The following TRPC4 variants were observed in gnomAD, a reference collection of about 807,000 sequenced individuals.
TRPC4 encodes the protein short transient receptor potential channel 4.
In TRPC4, 49 loss-of-function variants were observed where a neutral mutation model predicts 99.4. The ratio of observed to expected loss-of-function variants is 0.49; its 90% CI spans 0.39 to 0.63. The LOEUF (loss-of-function observed/expected upper bound fraction) is 0.63, where lower values mean the gene tolerates loss of function less well. Ranked by LOEUF, TRPC4 falls within the 20% of genes least tolerant of loss-of-function variation. The pLI, the probability that TRPC4 is intolerant of heterozygous loss-of-function variation, is 0.00. For synonymous variants in TRPC4, 454 were observed against 425.9 expected, an observed-to-expected ratio of 1.07 and a Z score of -0.81; for missense variants, 898 against 1,152.9, an observed-to-expected ratio of 0.78 and a Z score of 3.20.
intron 1 of TRPC4, among the ~76,000 whole-genome samples, chr13:37,819,448 C>A (rs1161313401): frequency 6.6e-6 from 1 of 151,808 alleles, no homozygotes; most frequent in Non-Finnish European, 1.5e-5. Flanking sequence ...CAATGATAGA[C>A]CAAATAAAGA....
At position 37,636,971 on chromosome 13, in the gene TRPC4, T is replaced by C. The variant is rs137894841; in HGVS notation, c.2866A>G (p.Ser956Gly). ...GGGAGGTTTAGATCATAGTCTATAC[T>C]AGAGTCCTCTTCTTTTGCATGTTTC... ...KEKHAKEEDSSIDYDLNLPDT... is the reference protein window; with the variant it reads ...KEKHAKEEDSGIDYDLNLPDT... Residue 956 changes from serine to glycine, a missense_variant, in exon 11 of 11, where the codon AGT (serine) becomes GGT (glycine). Ser to Gly is a moderately conservative substitution (Grantham distance 56). This residue lies in a region of TRPC4 where 346 missense variants were observed against 351.4 expected (regional missense o/e 0.98). Transcript: ENST00000379705. 4.8e-5 allele frequency: 77 copies of C among 1,613,620 alleles called. No individual in the cohort carries two copies. Among genetic ancestry groups the C allele is most frequent in the Admixed American group, 6.7e-5 (4 of 59,954 alleles).
intron 1 of TRPC4, among the ~76,000 whole-genome samples, chr13:37,819,269 G>T (rs905669777): frequency 2.6e-5 from 4 of 152,014 alleles, no homozygotes; most frequent in African/African-American, 9.7e-5. Flanking sequence ...AAGCAGTGTG[G>T]CTATTTCTCA....
chr13:37,849,638 T>C (rs1959004243), intron 1 of TRPC4, among the ~76,000 whole-genome samples: 1 of 152,184 alleles, frequency 6.6e-6, no homozygotes, highest in South Asian at 2.1e-4. Context: ...GATCTCATTG[T>C]GCCTAAAACA....
At chr13:37,698,806 T>C (rs923742422) in intron 3 of TRPC4, among the ~76,000 whole-genome samples, 18 of 152,092 alleles carry the variant, frequency 1.2e-4, no homozygotes, top group Admixed American at 4.6e-4. Flanking sequence ...ACGATGCCAA[T>C]AGGGGACTTA....
At chr13:37,681,995 C>T (rs1953256378) in intron 4 of TRPC4, among the ~76,000 whole-genome samples, 1 of 152,162 alleles carries the variant, frequency 6.6e-6, no homozygotes, top group African/African-American at 2.4e-5. Context: ...TTTGAATGTT[C>T]TATTATGTCC....
Position 37,728,856 on chromosome 13 carries a change from G to C in TRPC4, c.897+17081C>G, listed in dbSNP as rs142602539. The stretch of plus-strand genomic sequence containing the variant: ...ACATAATCACCAGTGAAATAGTTGA[G>C]AGCCTAGAAATGAGCCCTCACATAT... On this transcript the variant is annotated intron_variant, in intron 3 of 10. Transcript: ENST00000379705. 2.3e-3 allele frequency among the ~76,000 whole-genome samples: 345 copies of C among 152,188 alleles called. 1 individual carries two copies. The highest frequency in any genetic ancestry group is 7.8e-3 in the African/African-American group (326 of 41,546).
At chr13:37,686,857 C>T (rs1202873764) in intron 4 of TRPC4, among the ~76,000 whole-genome samples, 1 of 152,192 alleles carries the variant, frequency 6.6e-6, no homozygotes, top group Non-Finnish European at 1.5e-5. Context: ...TAATCTGGGG[C>T]ATGCTCACAA....
chr13:37,685,906 T>A (rs1336002343), intron 4 of TRPC4, among the ~76,000 whole-genome samples: 3 of 145,498 alleles, frequency 2.1e-5, no homozygotes, highest in Non-Finnish European at 4.6e-5. Flanking sequence ...TCCATGAAGA[T>A]GATGTTAAAA....
chr13:37,821,926 C>G (rs1593257599), intron 1 of TRPC4, among the ~76,000 whole-genome samples: 1 of 152,020 alleles, frequency 6.6e-6, no homozygotes, highest in East Asian at 1.9e-4. Context: ...ATGAAGATGC[C>G]AAAAGCAATT....
In TRPC4 at chr13:37,746,463, A is replaced by T; in HGVS notation, c.379-8T>A. ...AAGGAGTATAGGAGGCACCTAAAAA[A>T]AAAAAAGGCAGAGGTGATGAATATT... On this transcript the variant is annotated splice_polypyrimidine_tract_variant and splice_region_variant and intron_variant, in intron 2 of 10. Transcript: ENST00000379705. 6.3e-7 allele frequency: 1 copy of T among 1,581,660 alleles called. No homozygotes were observed.
chr13:37,717,067 C>G (rs189277646), intron 3 of TRPC4, among the ~76,000 whole-genome samples: 1 of 152,182 alleles, frequency 6.6e-6, no homozygotes, highest in African/African-American at 2.4e-5. Flanking sequence ...AGAAGTGAGG[C>G]TGCCCAGAAG....
At chr13:37,813,798 A>C (rs1028882888) in intron 1 of TRPC4, among the ~76,000 whole-genome samples, 1 of 151,948 alleles carries the variant, frequency 6.6e-6, no homozygotes, top group East Asian at 1.9e-4. Flanking sequence ...ATCATTCACA[A>C]ACTCTAGCAA....
At chr13:37,812,038 G>A (rs138093526) in intron 1 of TRPC4, among the ~76,000 whole-genome samples, 41 of 151,582 alleles carry the variant, frequency 2.7e-4, no homozygotes, top group African/African-American at 9.4e-4. Context: ...TGGTGCTTGG[G>A]AGTTGTAGTT....
intron 3 of TRPC4, among the ~76,000 whole-genome samples, chr13:37,736,687 T>C (rs1171397993): frequency 6.6e-6 from 1 of 152,054 alleles, no homozygotes; most frequent in Non-Finnish European, 1.5e-5. Context: ...ATATAAATAG[T>C]TTGGAGTACT....
At chr13:37,767,556 G>A (rs1956411869) in intron 2 of TRPC4, among the ~76,000 whole-genome samples, 1 of 151,176 alleles carries the variant, frequency 6.6e-6, no homozygotes, top group Admixed American at 6.6e-5. Flanking sequence ...AGGCAGCATT[G>A]TCTTGTAGTA....
Position 37,746,351 on chromosome 13 carries a change from C to G in TRPC4, c.483G>C (p.Leu161Phe). ...GAGGCACTGAGACTCCTTTCTGAAC[C>G]AAGAGTTTTATTATCTCATAATTAT... The part of the protein sequence containing the change: ...HTNNYEIIKL[L>F]VQKGVSVPRP... The change falls in exon 3 of 11, where the codon TTG (leucine) becomes TTC (phenylalanine). Residue 161 changes from leucine to phenylalanine, a missense_variant. Physicochemically the swap from Leu to Phe is conservative, Grantham distance 22. This residue lies in a region of TRPC4 where 278 missense variants were observed against 346.6 expected (regional missense o/e 0.80). Transcript: ENST00000379705. 6.2e-7 allele frequency: 1 copy of G among 1,613,534 alleles called. No individual in the cohort carries two copies. The highest frequency in any genetic ancestry group is 8.5e-7 in the Non-Finnish European group (1 of 1,179,778).
At chr13:37,800,795 C>T (rs2139430053) in intron 1 of TRPC4, among the ~76,000 whole-genome samples, 1 of 151,654 alleles carries the variant, frequency 6.6e-6, no homozygotes, top group Admixed American at 6.6e-5. Context: ...ATTATGAATA[C>T]AATATTGATG....
intron 1 of TRPC4, among the ~76,000 whole-genome samples, chr13:37,806,085 C>T (rs376074689): frequency 1.1e-4 from 17 of 151,928 alleles, no homozygotes; most frequent in Admixed American, 9.9e-4. Context: ...AAGAAGCATG[C>T]CTTTATTGAG....
At chr13:37,790,634 T>C (rs1443190110) in intron 1 of TRPC4, among the ~76,000 whole-genome samples, 1 of 152,160 alleles carries the variant, frequency 6.6e-6, no homozygotes, top group Non-Finnish European at 1.5e-5. Flanking sequence ...TTTTGCTAAA[T>C]CCACCAATCA....
Sources: gnomAD v4.1 joint callset for allele counts (sites outside exome capture counted in the v4.1 genomes callset) on GRCh38, gnomAD v4.1.1 for gene constraint, gnomAD v4.1.1 regional missense constraint, MANE v1.5 for transcripts, NCBI Gene and HGNC (gene_info 2026-07-23, HGNC 2026-07-21) for gene names.